The following PYGM variants were observed in gnomAD, a reference collection of about 807,000 sequenced individuals.
PYGM encodes glycogen phosphorylase, muscle associated, also known as glycogen phosphorylase, muscle form.
A neutral mutation model predicts 99.3 loss-of-function variants in PYGM; 81 were observed. The ratio of observed to expected loss-of-function variants is 0.82; its 90% CI spans 0.68 to 0.98. The LOEUF is 0.98. Ranked by LOEUF, PYGM falls within the 50% of genes least tolerant of loss-of-function variation. The probability of loss-of-function intolerance (pLI) is 0.00; values close to 1 mark genes in which losing one functional copy is unlikely to be tolerated. For missense variants in PYGM, 1,030 were observed against 1,158.1 expected, an observed-to-expected ratio of 0.89 and a Z score of 1.61; for synonymous variants, 436 against 451.5, an observed-to-expected ratio of 0.97 and a Z score of 0.44.
In PYGM at chr11:64,752,006, T is replaced by G. The variant is rs1298904837; in HGVS notation, c.1686A>C (p.Ser562=). The change falls in exon 14 of 20, where the codon TCA becomes TCC. Residue 562 remains serine, a synonymous_variant. Coordinates refer to ENST00000164139, the MANE Select transcript of PYGM (RefSeq NM_005609.4). ...TCCGCTTCACCTGGATGTCGAAGAG[T>G]GAGTTGGGGTTGATGTGGACTTTGT... The part of the protein sequence containing the change: ...REYKVHINPN[S]LFDIQVKRIH... The G allele has an allele frequency of 1.9e-6, 3 of 1,613,794 alleles. No individual in the cohort carries two copies. In the South Asian group the frequency reaches 3.3e-5, roughly 18 times the overall value.
chr11:64,751,394 C>T lies in PYGM; in HGVS notation c.1900G>A (p.Asp634Asn). 6.2e-7 allele frequency: 1 copy of T among 1,614,158 alleles called. No individual in the cohort carries two copies. The highest frequency in any genetic ancestry group is 1.6e-4 in the Middle Eastern group (1 of 6,062). The change falls in exon 16 of 20, where the codon GAC becomes AAC. Residue 634 changes from aspartate to asparagine, a missense_variant. Physicochemically the swap from Asp to Asn is conservative, Grantham distance 23. Coordinates refer to ENST00000164139, the MANE Select transcript of PYGM (RefSeq NM_005609.4). ...CGGAGGCGGTCACCCACTGCCGGGTCATGGTTGACCACATCCCCGATGGCT... is the reference window on the plus strand; with the variant it reads ...CGGAGGCGGTCACCCACTGCCGGGTTATGGTTGACCACATCCCCGATGGCT... Reference protein sequence around the residue: ...VTAIGDVVNHDPAVGDRLRVI... With the variant: ...VTAIGDVVNHNPAVGDRLRVI...
intron 17 of PYGM, chr11:64,747,575 G>A: frequency 3.4e-6 from 2 of 595,774 alleles, no homozygotes; most frequent in Admixed American, 2.9e-5. Context: ...AGGCCCGGAG[G>A]ATACAGAAAG....
At position 64,754,342 on chromosome 11, in the gene PYGM, C is replaced by A; in HGVS notation, c.1003G>T (p.Ala335Ser). Residue 335 changes from alanine to serine, a missense_variant, in exon 9 of 20, where the codon GCC (alanine) becomes TCC (serine). Ala to Ser is a moderately conservative substitution (Grantham distance 99). Coordinates refer to ENST00000164139, the MANE Select transcript of PYGM (RefSeq NM_005609.4). This position sits in a 1 kb window ranked among gnomAD's most constrained non-coding sequence, Gnocchi z 5.5. ...GGGTGGGTGTCATTGAGCTGGATGG[C>A]CACCTGGGGTAGGGGGAGGGGTCAG... ...TNFDAFPDKV[A>S]IQLNDTHPSL... The A allele has an allele frequency of 5.6e-6, 9 of 1,610,150 alleles. No individual in the cohort carries two copies. The highest frequency in any genetic ancestry group is 7.6e-6 in the Non-Finnish European group (9 of 1,176,806).
intron 13 of PYGM, 22 bp downstream of exon 13, chr11:64,752,381 C>G: frequency 1.2e-6 from 2 of 1,608,184 alleles, no homozygotes; most frequent in Non-Finnish European, 1.7e-6. Context: ...GCACAGCTGT[C>G]CCACATTGCA....
chr11:64,749,743 A>T (rs2058340679), intron 17 of PYGM, among the ~76,000 whole-genome samples: 1 of 152,054 alleles, frequency 6.6e-6, no homozygotes, highest in Admixed American at 6.6e-5. Context: ...GGCCCCTTGT[A>T]ACTACTGTGC....
At position 64,757,930 on chromosome 11, in the gene PYGM, G is replaced by T. The variant is rs968253505; in HGVS notation, c.529-20C>A. On this transcript the variant is annotated intron_variant, in intron 4 of 19. Transcript: ENST00000164139. ...CTCCATCTGCACCCAAGGCAGGTCA[G>T]GGAGAAAGGCCAGCAGTATCAGTAC... 6.2e-7 allele frequency: 1 copy of T among 1,613,502 alleles called. No homozygotes were observed. Among genetic ancestry groups the T allele is most frequent in the African/African-American group, 1.3e-5 (1 of 74,934 alleles).
intron 1 of PYGM, among the ~76,000 whole-genome samples, chr11:64,758,946 G>A (rs1592416237): frequency 2.2e-4 from 1 of 4,616 alleles, no homozygotes; most frequent in South Asian, 7.8e-3. Flanking sequence ...GGGAAATAGC[G>A]CTGGCCATAC....
Position 64,754,654 on chromosome 11 carries a change from A to ACTGT in PYGM, c.999+35_999+38dup. 2 of 1,610,060 alleles carry ACTGT rather than the reference A, an allele frequency of 1.2e-6. No individual in the cohort carries two copies. The highest frequency in any genetic ancestry group is 1.7e-6 in the Non-Finnish European group (2 of 1,178,764). ...GGCTGGAGGGAGAGGCCTAGCACAC[A>ACTGT]CTGTCCGGTCACAGAGTCGCCCTCC... On this transcript the variant is annotated intron_variant, in intron 8 of 19. Coordinates refer to ENST00000164139, the MANE Select transcript of PYGM (RefSeq NM_005609.4). This position sits in a 1 kb window ranked among gnomAD's most constrained non-coding sequence, Gnocchi z 5.5.
At chr11:64,759,225 A>G in intron 1 of PYGM, among the ~76,000 whole-genome samples, 1 of 125,362 alleles carries the variant, frequency 8.0e-6, no homozygotes, top group African/African-American at 3.1e-5. Flanking sequence ...CCCCTCCCCC[A>G]CTCCCCACCG....
intron 11 of PYGM, 132 bp from the exon 12 acceptor site, chr11:64,753,319 GTGC>G: frequency 8.4e-7 from 1 of 1,191,394 alleles, no homozygotes; most frequent in Non-Finnish European, 1.2e-6. Context: ...AAGGTTGGGG[GTGC>G]TGTGTGTAAG....
At position 64,757,824 on chromosome 11, in the gene PYGM, G is replaced by T. The variant is rs781010056; in HGVS notation, c.615C>A (p.Gly205=). The T allele has an allele frequency of 2.5e-6, 4 of 1,614,032 alleles. No individual in the cohort carries two copies. The highest frequency in any genetic ancestry group is 3.4e-6 in the Non-Finnish European group (4 of 1,180,054). Residue 205 remains glycine, a synonymous_variant, in exon 5 of 20, where the codon GGC becomes GGA. Transcript: ENST00000164139. The part of the protein sequence containing the change: ...PEFTLPVHFY[G]HVEHTSQGAK... Reference sequence around the variant, plus strand: ...CACCCTGGCTGGTGTGCTCCACATGGCCGTAGAAGTGCACAGGTAGCGTGA... The same window carrying T: ...CACCCTGGCTGGTGTGCTCCACATGTCCGTAGAAGTGCACAGGTAGCGTGA...
upstream of PYGM, chr11:64,760,208 T>A: frequency 2.6e-6 from 1 of 388,440 alleles, no homozygotes. Context: ...CTTCTGTCCC[T>A]TGTCCCTGCC....
At chr11:64,751,705 G>T (rs1401748004) in intron 14 of PYGM, 50 bp from the exon 15 acceptor site, 1 of 1,604,600 alleles carries the variant, frequency 6.2e-7, no homozygotes, top group South Asian at 1.1e-5. Flanking sequence ...CCTCTGGGTA[G>T]TAGCTCCTGA....
At chr11:64,750,096 G>T (rs1303097812) in intron 17 of PYGM, among the ~76,000 whole-genome samples, 1 of 152,184 alleles carries the variant, frequency 6.6e-6, no homozygotes. Flanking sequence ...CCGGCGTAGA[G>T]CAAGGATTTT....
In PYGM at chr11:64,746,663, AT is replaced by A. The variant is rs767321307; in HGVS notation, c.2524del (p.Ile842SerfsTer36). ...RQRLPAPDEA[I>X] is the part of the protein sequence containing the mutation. ...TTTGGGGTCTGGTCTGGAGGCTCAG[AT>A]GGCCTCATCCGGGGCTGGCAGGCGC... is the stretch of plus-strand genomic sequence containing the variant. On this transcript the variant is annotated frameshift_variant, in exon 20 of 20. Transcript: ENST00000164139. LOFTEE classifies it high-confidence loss of function. The A allele has an allele frequency of 2.5e-6, 4 of 1,614,158 alleles. No homozygotes were observed. Among genetic ancestry groups the A allele is most frequent in the Non-Finnish European group, 3.4e-6 (4 of 1,180,030 alleles).
chr11:64,759,782 T>C lies in PYGM; in HGVS notation c.117A>G (p.Thr39=), dbSNP rs2135842695. The C allele has an allele frequency of 1.9e-6, 3 of 1,613,862 alleles. No individual in the cohort carries two copies. The highest frequency in any genetic ancestry group is 2.2e-5 in the South Asian group (2 of 91,078). ...KKNFNRHLHF[T]LVKDRNVATP... ...TGGCCACATTGCGGTCCTTTACGAG[T>C]GTGAAATGCAGGTGCCGGTTGAAGT... The change falls in exon 1 of 20, where the codon ACA becomes ACG. Residue 39 remains threonine (T), a synonymous_variant. Transcript: ENST00000164139.
chr11:64,753,983 T>C lies in PYGM; in HGVS notation c.1135A>G (p.Thr379Ala). The C allele has an allele frequency of 6.2e-7, 1 of 1,606,816 alleles. No individual in the cohort carries two copies. The highest frequency in any genetic ancestry group is 8.5e-7 in the Non-Finnish European group (1 of 1,176,556). ...TVRTCAYTNH[T>A]VLPEALERWP... ...CGCTCCAGGGCCTCGGGCAGCACCG[T>C]GTGGTTGGTGTAGGCACAGGTCCTC... The change falls in exon 10 of 20, where the codon ACG becomes GCG. Residue 379 changes from threonine to alanine, a missense_variant. Thr to Ala is a moderately conservative substitution (Grantham distance 58). Transcript: ENST00000164139.
chr11:64,752,007 G>A lies in PYGM; in HGVS notation c.1685C>T (p.Ser562Leu), dbSNP rs1182548085. ...REYKVHINPN[S>L]LFDIQVKRIH... Reference sequence around the variant, plus strand: ...CCGCTTCACCTGGATGTCGAAGAGTGAGTTGGGGTTGATGTGGACTTTGTA... The same window carrying A: ...CCGCTTCACCTGGATGTCGAAGAGTAAGTTGGGGTTGATGTGGACTTTGTA... Residue 562 changes from serine (S) to leucine (L), a missense_variant, in exon 14 of 20, where the codon TCA becomes TTA. Transcript: ENST00000164139. The A allele has an allele frequency of 6.2e-7, 1 of 1,614,156 alleles. No individual in the cohort carries two copies.
rs751492787 is a variant in PYGM at position 64,757,874 on chromosome 11, G to A, written c.565C>T (p.Pro189Ser). ...AACTCGGGCCGGGCCTTCTCCCAGG[G>A]GTTGCCGTAGCGAAGCCAGTCATCG... Reference protein sequence around the residue: ...EADDWLRYGNPWEKARPEFTL... With the variant: ...EADDWLRYGNSWEKARPEFTL... Residue 189 changes from proline to serine, a missense_variant, in exon 5 of 20, where the codon CCC becomes TCC. Transcript: ENST00000164139. 6.8e-6 allele frequency: 11 copies of A among 1,614,140 alleles called. No homozygotes were observed. The South Asian group carries it at 9.9e-5, about 14-fold the overall frequency.
Sources: gnomAD v4.1 joint callset for allele counts (sites outside exome capture counted in the v4.1 genomes callset) on GRCh38, gnomAD v4.1.1 for gene constraint, Gnocchi (gnomAD v3.1) non-coding constraint, MANE v1.5 for transcripts, NCBI Gene and HGNC (gene_info 2026-07-23, HGNC 2026-07-21) for gene names.